Variants in R3HDML observed in about 807,000 individuals in gnomAD.
The protein encoded by R3HDML is peptidase inhibitor R3HDML.
A neutral mutation model predicts 24.2 loss-of-function variants in R3HDML; 21 were observed. The ratio of observed to expected loss-of-function variants is 0.87; its 90% confidence interval spans 0.62 to 1.25. The LOEUF is 1.25. Among genes scored for constraint, R3HDML ranks in the 50% most tolerant of loss-of-function variants. The pLI is 0.00. For missense variants in R3HDML, 301 were observed against 340.3 expected, an observed-to-expected ratio of 0.88 and a Z score of 0.91; for synonymous variants, 133 against 131.5, an observed-to-expected ratio of 1.01 and a Z score of -0.08.
intron 1 of R3HDML, among the ~76,000 whole-genome samples, chr20:44,339,163 T>G (rs1600598199): frequency 1.3e-5 from 2 of 151,126 alleles, no homozygotes; most frequent in Non-Finnish European, 2.9e-5. Flanking sequence ...TGACTTCTAC[T>G]CACAGAACAG....
At chr20:44,348,398 G>A (rs576803964) in intron 4 of R3HDML, among the ~76,000 whole-genome samples, 1 of 151,998 alleles carries the variant, frequency 6.6e-6, no homozygotes, top group Admixed American at 6.6e-5. Flanking sequence ...ACAGGCTTCG[G>A]CCTTCCCCTT....
rs539087688 is a variant in R3HDML, at chr20:44,341,405, G to A, written c.380+91G>A. 1.7e-3 allele frequency: 1,850 copies of A among 1,057,384 alleles called. 2 individuals carry two copies. The highest frequency in any genetic ancestry group is 2.4e-3 in the Non-Finnish European group (1,711 of 720,032). The allele number at this position is 1,057,384 out of a possible 1,614,324, so 65.5% of individuals were successfully genotyped here. On this transcript the variant is annotated intron_variant, in intron 2 of 4. Transcript: ENST00000217043. ...TACCAGGTGCTGCACTTGACACTGG[G>A]ATACAGTGGCGAGCAAGGCAGACAA...
intron 2 of R3HDML, among the ~76,000 whole-genome samples, chr20:44,342,591 T>A (rs1056601917): frequency 4.5e-4 from 68 of 152,184 alleles, no homozygotes; most frequent in Non-Finnish European, 7.5e-4. Flanking sequence ...TTCCAGATTT[T>A]CTCCCTCTTT....
chr20:44,338,183 C>A (rs1263339941), intron 1 of R3HDML, among the ~76,000 whole-genome samples: 1 of 152,202 alleles, frequency 6.6e-6, no homozygotes, highest in African/African-American at 2.4e-5. Flanking sequence ...CCAGAGATGT[C>A]TTTAGGGAAA....
chr20:44,337,381 C>A lies in R3HDML; in HGVS notation c.224C>A (p.Ala75Asp). 6.2e-7 allele frequency: 1 copy of A among 1,614,172 alleles called. No homozygotes were observed. The highest frequency in any genetic ancestry group is 8.5e-7 in the Non-Finnish European group (1 of 1,180,004). The change falls in exon 1 of 5, where the codon GCC (alanine) becomes GAC (aspartate). Residue 75 changes from alanine (A) to aspartate (D), a missense_variant. Ala to Asp is a moderately radical substitution (Grantham distance 126, BLOSUM62 -2). Transcript: ENST00000217043. The surrounding 1 kb of genome is among the most constrained non-coding windows in gnomAD (Gnocchi z 4.7). Reference sequence around the variant, plus strand: ...CTGGATTATCACAACCACATCCGGGCCAGTGTGTACCCACCTGCCGCCAAC... The same window carrying A: ...CTGGATTATCACAACCACATCCGGGACAGTGTGTACCCACCTGCCGCCAAC... ...ALLDYHNHIRASVYPPAANME... is the reference protein window; with the variant it reads ...ALLDYHNHIRDSVYPPAANME...
intron 2 of R3HDML, 119 bp downstream of exon 2, chr20:44,341,433 T>A: frequency 1.3e-6 from 1 of 756,342 alleles, no homozygotes. Flanking sequence ...GCAGACAAGC[T>A]CTCCACCTGC....
At position 44,346,144 on chromosome 20, in the gene R3HDML, A is replaced by G. The variant is rs1382801036; in HGVS notation, c.629+766A>G. ...CTATTTTCTCTTCTTTTTTTGAGAC[A>G]AGGTCTCCCTCTGTTGCCCAGGCTG... On this transcript the variant is annotated intron_variant, in intron 4 of 4. Coordinates refer to ENST00000217043, the MANE Select transcript of R3HDML (RefSeq NM_178491.4). Among the ~76,000 whole-genome samples, 3 of 151,596 alleles carry G rather than the reference A, an allele frequency of 2.0e-5. No individual in the cohort carries two copies. The South Asian group carries it at 6.2e-4, about 32-fold the overall frequency.
At chr20:44,343,816 G>A (rs750757884) in intron 3 of R3HDML, among the ~76,000 whole-genome samples, 6 of 151,556 alleles carry the variant, frequency 4.0e-5, no homozygotes, top group East Asian at 3.9e-4. Flanking sequence ...TGTCCCCCCC[G>A]CAAAAAATTA....
intron 4 of R3HDML, among the ~76,000 whole-genome samples, chr20:44,345,649 A>T (rs773616274): frequency 6.6e-6 from 1 of 151,686 alleles, no homozygotes; most frequent in Non-Finnish European, 1.5e-5. Context: ...TAAAAAAAAA[A>T]ATTAGCTGAG....
intron 3 of R3HDML, 41 bp downstream of exon 3, chr20:44,343,550 T>C: frequency 6.5e-7 from 1 of 1,529,392 alleles, no homozygotes. Context: ...GGATAACACA[T>C]CCTGGCGCCT....
At chr20:44,345,129 T>A (rs1478720166) in intron 3 of R3HDML, 134 bp from the exon 4 acceptor site, 2 of 704,010 alleles carry the variant, frequency 2.8e-6, no homozygotes, top group Non-Finnish European at 5.1e-6. Flanking sequence ...TGCCTCCGTT[T>A]CCTCCCCCAA....
intron 4 of R3HDML, among the ~76,000 whole-genome samples, chr20:44,348,902 G>C (rs1305691627): frequency 2.0e-5 from 3 of 152,080 alleles, no homozygotes; most frequent in Non-Finnish European, 4.4e-5. Flanking sequence ...TGTAATCCCA[G>C]CACTCTGAGA....
In R3HDML at chr20:44,345,254, C is replaced by G. The variant is rs1479074411; in HGVS notation, c.514-9C>G. ...TCTCATAGCCCCCTCTGTCTCTGTC[C>G]TTCACCAGATGGTGTGGGCATCCTC... On this transcript the variant is annotated splice_polypyrimidine_tract_variant and intron_variant, in intron 3 of 4. Transcript: ENST00000217043. 1 of 1,611,692 alleles carries G rather than the reference C, an allele frequency of 6.2e-7. No homozygotes were observed. The highest frequency in any genetic ancestry group is 1.1e-5 in the South Asian group (1 of 91,044).
At chr20:44,339,293 G>A (rs983412265) in intron 1 of R3HDML, among the ~76,000 whole-genome samples, 27 of 152,138 alleles carry the variant, frequency 1.8e-4, no homozygotes, top group African/African-American at 4.8e-5. Flanking sequence ...CTTGTTGAAG[G>A]CCTTGTTGCC....
Position 44,350,946 on chromosome 20 carries a change from C to A in R3HDML, c.*154C>A. On this transcript the variant is annotated 3_prime_UTR_variant, in exon 5 of 5. Coordinates refer to ENST00000217043, the MANE Select transcript of R3HDML (RefSeq NM_178491.4). Reference sequence around the variant, plus strand: ...CCTCCTAGATCCCCTTCTTAAATGTCCAACATGGGTCAAAAGAAAATGACC... The same window carrying A: ...CCTCCTAGATCCCCTTCTTAAATGTACAACATGGGTCAAAAGAAAATGACC... 2.6e-6 allele frequency: 2 copies of A among 782,184 alleles called. No individual in the cohort carries two copies. The highest frequency in any genetic ancestry group is 2.8e-5 in the East Asian group (1 of 35,094). 48.5% of individuals were successfully genotyped at this position (782,184 alleles called of 1,614,324 possible). A position where few individuals can be genotyped will look rare whatever the true frequency, so the allele number is the denominator to read the frequency against.
intron 4 of R3HDML, among the ~76,000 whole-genome samples, chr20:44,345,793 A>C (rs536310655): frequency 4.0e-5 from 6 of 150,192 alleles, no homozygotes; most frequent in Non-Finnish European, 9.0e-5. Context: ...CTCAAAAAAA[A>C]AGTCAATTAA....
At chr20:44,343,217 A>T (rs1362351685) in intron 2 of R3HDML, among the ~76,000 whole-genome samples, 160 bp from the exon 3 acceptor site, 1 of 152,240 alleles carries the variant, frequency 6.6e-6, no homozygotes, top group African/African-American at 2.4e-5. Context: ...TGGGTTCAGA[A>T]CATGCCTGTG....
At chr20:44,342,646 T>C (rs1012301885) in intron 2 of R3HDML, among the ~76,000 whole-genome samples, 1 of 152,192 alleles carries the variant, frequency 6.6e-6, no homozygotes, top group African/African-American at 2.4e-5. Context: ...CTGTCAAATA[T>C]GTGTAATAGA....
chr20:44,337,370 C>A lies in R3HDML; in HGVS notation c.213C>A (p.Asn71Lys), dbSNP rs1192741476. ...TGAATGCCTTACTGGATTATCACAA[C>A]CACATCCGGGCCAGTGTGTACCCAC... is the stretch of plus-strand genomic sequence containing the variant. ...RDMNALLDYH[N>K]HIRASVYPPA... is the part of the protein sequence containing the mutation. Residue 71 changes from asparagine (N) to lysine (K), a missense_variant, in exon 1 of 5, where the codon AAC (asparagine) becomes AAA (lysine). Physicochemically the swap from Asn to Lys is moderately conservative, Grantham distance 94 (BLOSUM62 0). Coordinates refer to ENST00000217043, the MANE Select transcript of R3HDML (RefSeq NM_178491.4). The surrounding 1 kb of genome is among the most constrained non-coding windows in gnomAD (Gnocchi z 4.7). The A allele has an allele frequency of 1.9e-6, 3 of 1,614,102 alleles. No homozygotes were observed. The highest frequency in any genetic ancestry group is 2.5e-6 in the Non-Finnish European group (3 of 1,180,036).
Sources: gnomAD v4.1 joint callset for allele counts (sites outside exome capture counted in the v4.1 genomes callset) on GRCh38, gnomAD v4.1.1 for gene constraint, Gnocchi (gnomAD v3.1) non-coding constraint, MANE v1.5 for transcripts, NCBI Gene and HGNC (gene_info 2026-07-23, HGNC 2026-07-21) for gene names.